The following AFDN variants were observed in gnomAD, a reference collection of about 807,000 sequenced individuals.
The protein encoded by AFDN is afadin.
A neutral mutation model predicts 216.6 loss-of-function variants in AFDN; 68 were observed. The ratio of observed to expected loss-of-function variants is 0.31; its 90% confidence interval spans 0.26 to 0.38. The LOEUF is 0.38. Among genes scored for constraint, AFDN ranks in the 10% least tolerant of loss-of-function variants. The probability of loss-of-function intolerance (pLI) is 1.00; values close to 1 mark genes in which losing one functional copy is unlikely to be tolerated. For missense variants in AFDN, 2,136 were observed against 2,342.0 expected, an observed-to-expected ratio of 0.91 and a Z score of 1.82; for synonymous variants, 868 against 853.7, an observed-to-expected ratio of 1.02 and a Z score of -0.29.
chr6:167,843,224 C>T (rs1432623413), intron 1 of AFDN, among the ~76,000 whole-genome samples: 2 of 152,180 alleles, frequency 1.3e-5, no homozygotes, highest in African/African-American at 4.8e-5. Flanking sequence ...TCAAATGTTA[C>T]ATTAATGTCC....
chr6:167,880,640 A>G (rs1785995236), intron 6 of AFDN, 123 bp downstream of exon 6: 1 of 932,886 alleles, frequency 1.1e-6, no homozygotes, highest in South Asian at 1.6e-5. Flanking sequence ...TAATTTACAA[A>G]TCATGTGCTA....
intron 31 of AFDN, chr6:167,964,110 G>C: frequency 9.4e-7 from 1 of 1,063,894 alleles, no homozygotes; most frequent in Middle Eastern, 4.2e-4. Flanking sequence ...TTTTTCCAAT[G>C]TGTTTTCATA....
At chr6:167,930,067 T>C (rs1793088894) in intron 23 of AFDN, among the ~76,000 whole-genome samples, 1 of 152,002 alleles carries the variant, frequency 6.6e-6, no homozygotes, top group African/African-American at 2.4e-5. Context: ...ATACTGAGTG[T>C]GATGATGTGC....
Position 167,951,343 on chromosome 6 carries a change from A to T in AFDN, c.3989A>T (p.Asn1330Ile), listed in dbSNP as rs770450368. Residue 1330 changes from asparagine (N) to isoleucine (I), a missense_variant, in exon 30 of 34, where the codon AAC becomes ATC. Physicochemically the swap from Asn to Ile is moderately radical, Grantham distance 149. This residue lies in a region of AFDN where 981 missense variants were observed against 966.0 expected (regional missense o/e 1.02). Transcript: ENST00000683244. The surrounding 1 kb of genome is among the most constrained non-coding windows in gnomAD (Gnocchi z 7.1). ...DSSTSSQEHL[N>I]HSSKSVTPAS... The stretch of plus-strand genomic sequence containing the variant: ...AGTACCTCTAGCCAGGAGCATCTGA[A>T]CCATTCCTCTAAGTCGGTCACCCCT... 6.2e-7 allele frequency: 1 copy of T among 1,614,152 alleles called. No homozygotes were observed. Among genetic ancestry groups the T allele is most frequent in the African/African-American group, 1.3e-5 (1 of 75,040 alleles).
intron 32 of AFDN, chr6:167,966,256 C>G: frequency 6.6e-7 from 1 of 1,525,370 alleles, no homozygotes; most frequent in South Asian, 1.2e-5. Context: ...TCCTACCATC[C>G]CAGCCACTGC....
At chr6:167,923,882 C>T (rs568345628) in intron 22 of AFDN, among the ~76,000 whole-genome samples, 52 of 152,156 alleles carry the variant, frequency 3.4e-4, no homozygotes, top group Admixed American at 1.2e-3. Flanking sequence ...ACCTCAGCCT[C>T]CCAAAGTGCT....
At chr6:167,929,433 G>A (rs1243660301) in intron 23 of AFDN, among the ~76,000 whole-genome samples, 1 of 152,194 alleles carries the variant, frequency 6.6e-6, no homozygotes, top group East Asian at 1.9e-4. Context: ...GCTGAAGCTA[G>A]ATTGGGGATG....
At chr6:167,944,178 T>C (rs1341046969) in intron 26 of AFDN, 119 bp downstream of exon 26, 1 of 773,272 alleles carries the variant, frequency 1.3e-6, no homozygotes, top group East Asian at 2.7e-5. Flanking sequence ...AGAAAGAAAT[T>C]GAGGATGAGA....
In AFDN at chr6:167,890,269, G is replaced by A. The variant is rs139903396; in HGVS notation, c.1010-593G>A. ...TAGTATTTTTTAAAAACAGTGTAAA[G>A]TTAAAATTTTATTAAAGGCAAATTG... On this transcript the variant is annotated intron_variant, in intron 7 of 33. Transcript: ENST00000683244. Among the ~76,000 whole-genome samples, 580 of 152,242 alleles carry A rather than the reference G, an allele frequency of 3.8e-3. 2 individuals carry two copies. The highest frequency in any genetic ancestry group is 0.013 in the African/African-American group (545 of 41,554).
Position 167,948,398 on chromosome 6 carries a change from C to G in AFDN, c.3751C>G (p.Pro1251Ala). 6.2e-7 allele frequency: 1 copy of G among 1,614,138 alleles called. No individual in the cohort carries two copies. Among genetic ancestry groups the G allele is most frequent in the East Asian group, 2.2e-5 (1 of 44,884 alleles). Residue 1251 changes from proline to alanine, a missense_variant, in exon 29 of 34, where the codon CCT (proline) becomes GCT (alanine). By Grantham distance (27) the Pro-to-Ala change is conservative. This residue lies in a region of AFDN where 981 missense variants were observed against 966.0 expected (regional missense o/e 1.02). Coordinates refer to ENST00000683244, the MANE Select transcript of AFDN (RefSeq NM_001386888.1). ...PASKSQDRMA[P>A]PQNQWPNYEE... ...TTCCAAATCCCAGGATCGGATGGCT[C>G]CTCCTCAGAACCAGTGGCCAAATTA...
At chr6:167,924,929 T>A (rs1204006787) in intron 22 of AFDN, 76 bp from the exon 23 acceptor site, 2 of 1,000,134 alleles carry the variant, frequency 2.0e-6, no homozygotes, top group Admixed American at 3.4e-5. Context: ...CATGATTGAC[T>A]AGATCATGAG....
At chr6:167,883,341 A>C (rs1361982761) in intron 6 of AFDN, among the ~76,000 whole-genome samples, 1 of 152,192 alleles carries the variant, frequency 6.6e-6, no homozygotes, top group Non-Finnish European at 1.5e-5. Flanking sequence ...ATAGCCAGTA[A>C]ATTCCTGAGG....
chr6:167,913,403 G>A lies in AFDN; in HGVS notation c.2038G>A (p.Glu680Lys). Reference sequence around the variant, plus strand: ...TTTCCCCTCGTCTGTTTTTCTCCAGGAAGTAGACCAGGTTGACCAGGTAGG... The same window carrying A: ...TTTCCCCTCGTCTGTTTTTCTCCAGAAAGTAGACCAGGTTGACCAGGTAGG... ...MVSMMEGVIQ[E>K]VDQVDQKQKN... The change falls in exon 16 of 34, where the codon GAA becomes AAA. Residue 680 changes from glutamate (E) to lysine (K), a missense_variant and splice_region_variant. By Grantham distance (56) the Glu-to-Lys change is moderately conservative. Around this residue, in one of 8 missense-constraint regions of AFDN, gnomAD observed 817 missense variants for 965.7 expected, o/e 0.85. Coordinates refer to ENST00000683244, the MANE Select transcript of AFDN (RefSeq NM_001386888.1). 2 of 1,535,744 alleles carry A rather than the reference G, an allele frequency of 1.3e-6. No homozygotes were observed. The highest frequency in any genetic ancestry group is 2.4e-5 in the East Asian group (1 of 40,898).
chr6:167,833,370 G>A (rs913121141), intron 1 of AFDN, among the ~76,000 whole-genome samples: 5 of 152,224 alleles, frequency 3.3e-5, no homozygotes, highest in Admixed American at 1.3e-4. Flanking sequence ...ATTATGATCC[G>A]TGAAAAAAAT....
At chr6:167,884,623 G>A (rs916160474) in intron 6 of AFDN, among the ~76,000 whole-genome samples, 1 of 152,112 alleles carries the variant, frequency 6.6e-6, no homozygotes, top group Non-Finnish European at 1.5e-5. Flanking sequence ...TGAGCAGTAG[G>A]TCCCAACAGT....
intron 1 of AFDN, chr6:167,863,899 T>G (rs1783866709): frequency 2.3e-6 from 1 of 429,628 alleles, no homozygotes; most frequent in Non-Finnish European, 4.7e-6. Flanking sequence ...GCAAAAGTAC[T>G]TGTGCTTTTT....
At chr6:167,938,521 TA>T (rs1794295751) in intron 23 of AFDN, among the ~76,000 whole-genome samples, 2 of 152,132 alleles carry the variant, frequency 1.3e-5, no homozygotes, top group African/African-American at 4.8e-5. Context: ...TCAACCTATT[TA>T]AAGATAGGGA....
intron 23 of AFDN, 130 bp downstream of exon 23, chr6:167,925,221 G>A (rs1306003692): frequency 9.0e-6 from 6 of 668,750 alleles, no homozygotes; most frequent in Admixed American, 2.4e-5. Flanking sequence ...CTGTTTCTGC[G>A]TAGGAGAGGA....
Position 167,911,674 on chromosome 6 carries a change from A to G in AFDN, c.2037+185A>G, listed in dbSNP as rs1790415405. On this transcript the variant is annotated intron_variant, in intron 15 of 33. Coordinates refer to ENST00000683244, the MANE Select transcript of AFDN (RefSeq NM_001386888.1). ...TGAAAGGAAATGCAAGCTTTTTTCT[A>G]TTTTGTTTTCCCTGTAAAACTTCAG... 1.2e-5 allele frequency: 7 copies of G among 603,660 alleles called. No homozygotes were observed. In the East Asian group the frequency reaches 1.7e-4, roughly 15 times the overall value. 37.4% of individuals were successfully genotyped at this position (603,660 alleles called of 1,614,324 possible). A position where few individuals can be genotyped will look rare whatever the true frequency, so the allele number is the denominator to read the frequency against.
Sources: allele counts gnomAD v4.1 joint callset (sites outside exome capture counted in the v4.1 genomes callset), GRCh38; gene constraint gnomAD v4.1.1; regional missense constraint gnomAD v4.1.1; non-coding constraint Gnocchi (gnomAD v3.1); transcripts MANE v1.5; gene names NCBI Gene and HGNC (gene_info 2026-07-23, HGNC 2026-07-21).